The following EVC2 variants were observed in gnomAD, a reference collection of about 807,000 sequenced individuals.
EVC2 encodes the protein EvC ciliary complex subunit 2.
Under a neutral mutation model 149.3 loss-of-function variants are expected in EVC2, and 148 were observed. The ratio of observed to expected loss-of-function variants is 0.99; its 90% confidence interval spans 0.87 to 1.14. The LOEUF (loss-of-function observed/expected upper bound fraction) is 1.14. EVC2 is among the 50% of genes most tolerant of loss of function. The pLI is 0.00. For missense variants in EVC2, 1,854 were observed against 1,627.3 expected (o/e 1.14, Z -2.40); for synonymous variants, 776 against 649.9 (o/e 1.19, Z -2.95).
At chr4:5,598,246 A>T (rs1297465724) in intron 16 of EVC2, among the ~76,000 whole-genome samples, 22 of 152,090 alleles carry the variant, frequency 1.4e-4, no homozygotes, top group Non-Finnish European at 2.9e-4. Flanking sequence ...ACCAAAAAAG[A>T]GCCCGCATCG....
chr4:5,586,103 C>T (rs1001897349), intron 16 of EVC2, among the ~76,000 whole-genome samples: 1 of 152,160 alleles, frequency 6.6e-6, no homozygotes, highest in African/African-American at 2.4e-5. Flanking sequence ...CTCAAGTGAT[C>T]TACCCACCTC....
chr4:5,654,752 G>A (rs938940281), intron 9 of EVC2, among the ~76,000 whole-genome samples: 17 of 152,222 alleles, frequency 1.1e-4, no homozygotes, highest in African/African-American at 4.1e-4. Flanking sequence ...CTTCCAGGCC[G>A]CTGAAGGAGA....
chr4:5,683,866 G>A (rs1444501120), intron 6 of EVC2, among the ~76,000 whole-genome samples: 40 of 128,418 alleles, frequency 3.1e-4, no homozygotes, highest in South Asian at 6.0e-4. Context: ...CCAGGAACAC[G>A]CACAGCTGCC....
At chr4:5,580,763 T>C (rs527564964) in intron 17 of EVC2, among the ~76,000 whole-genome samples, 10 of 152,390 alleles carry the variant, frequency 6.6e-5, no homozygotes, top group Middle Eastern at 3.4e-3. Context: ...TACGGAGTTT[T>C]ATCTTGAATG....
downstream of EVC2, among the ~76,000 whole-genome samples, chr4:5,559,034 C>CCAAACAAA (rs112453868): frequency 2.0e-5 from 3 of 151,710 alleles, no homozygotes; most frequent in African/African-American, 4.9e-5. This position sits in a 1 kb window ranked among gnomAD's most constrained non-coding sequence, Gnocchi z 5.0. Context: ...CCCTGCAAAA[C>CCAAACAAA]CAAACAAACA....
intron 6 of EVC2, among the ~76,000 whole-genome samples, chr4:5,683,283 T>C (rs550204074): frequency 1.3e-5 from 2 of 152,330 alleles, no homozygotes; most frequent in South Asian, 2.1e-4. Flanking sequence ...AGCTGGAGCC[T>C]GAGGCTAAGT....
rs79357111 is a variant in EVC2 at position 5,687,456 on chromosome 4, A to G, written c.706+1701T>C. Reference sequence around the variant, plus strand: ...CAAGGTTCAGAGACATGCAGTGTGCACGTGCTAGAGCAGAAGTCCATGAAT... The same window carrying G: ...CAAGGTTCAGAGACATGCAGTGTGCGCGTGCTAGAGCAGAAGTCCATGAAT... On this transcript the variant is annotated intron_variant, in intron 5 of 21. Transcript: ENST00000344408. Among the ~76,000 whole-genome samples the G allele has an allele frequency of 4.1e-3, 618 of 152,190 alleles. 1 individual carries two copies. Among genetic ancestry groups the G allele is most frequent in the African/African-American group, 0.014 (598 of 41,524 alleles).
intron 17 of EVC2, among the ~76,000 whole-genome samples, chr4:5,582,224 G>A (rs1003355586): frequency 9.9e-5 from 15 of 152,204 alleles, no homozygotes; most frequent in African/African-American, 3.1e-4. Flanking sequence ...TGTATCCTGT[G>A]CCTAGAAATA....
At chr4:5,575,476 G>C (rs568422573) in intron 18 of EVC2, among the ~76,000 whole-genome samples, 8 of 152,336 alleles carry the variant, frequency 5.3e-5, no homozygotes, top group Non-Finnish European at 1.2e-4. Context: ...GCACTTTGAT[G>C]CATTTACACA....
At chr4:5,595,588 C>A (rs1713318258) in intron 16 of EVC2, among the ~76,000 whole-genome samples, 1 of 152,132 alleles carries the variant, frequency 6.6e-6, no homozygotes, top group Non-Finnish European at 1.5e-5. Flanking sequence ...TGGAAAGGAA[C>A]AACTGGTACC....
At chr4:5,684,443 T>A (rs1179427074) in intron 6 of EVC2, among the ~76,000 whole-genome samples, 1 of 152,200 alleles carries the variant, frequency 6.6e-6, no homozygotes. Flanking sequence ...AGTCATGCTA[T>A]GAGCCTCATC....
At chr4:5,558,657 T>C (rs1721884044), downstream of EVC2, among the ~76,000 whole-genome samples, 1 of 152,186 alleles carries the variant, frequency 6.6e-6, no homozygotes, top group Admixed American at 6.5e-5. Flanking sequence ...ATTTCAAATG[T>C]AAGAAACAAC....
Position 5,663,156 on chromosome 4 carries a change from C to G in EVC2, c.1096G>C (p.Asp366His). The change falls in exon 9 of 22, where the codon GAC becomes CAC. Residue 366 changes from aspartate (D) to histidine (H), a missense_variant. Physicochemically the swap from Asp to His is moderately conservative, Grantham distance 81. Transcript: ENST00000344408. Reference protein sequence around the residue: ...EDLSLNDQMIDILSSEDPGSM... With the variant: ...EDLSLNDQMIHILSSEDPGSM... ...CCAGGGTCCTCGGAAGACAGAATGTCTATCATTTGGTCGTTAAGGGAAAGG... is the reference window on the plus strand; with the variant it reads ...CCAGGGTCCTCGGAAGACAGAATGTGTATCATTTGGTCGTTAAGGGAAAGG... 6.2e-7 allele frequency: 1 copy of G among 1,614,170 alleles called. No individual in the cohort carries two copies. Among genetic ancestry groups the G allele is most frequent in the Non-Finnish European group, 8.5e-7 (1 of 1,180,034 alleles).
chr4:5,552,752 G>C (rs1042830074), intron 21 of EVC2, among the ~76,000 whole-genome samples: 1 of 152,208 alleles, frequency 6.6e-6, no homozygotes, highest in African/African-American at 2.4e-5. Flanking sequence ...GAGCTGAGGA[G>C]ACAGACAATG....
At chr4:5,608,799 C>T (rs1388805801) in intron 16 of EVC2, among the ~76,000 whole-genome samples, 1 of 152,048 alleles carries the variant, frequency 6.6e-6, no homozygotes, top group Non-Finnish European at 1.5e-5. Context: ...TCCCAAAGTG[C>T]TGGGATTACA....
chr4:5,678,918 C>A (rs1720162003), intron 7 of EVC2, among the ~76,000 whole-genome samples: 1 of 151,926 alleles, frequency 6.6e-6, no homozygotes, highest in Non-Finnish European at 1.5e-5. Flanking sequence ...GTAATCCCAG[C>A]TACTTGGGAG....
At chr4:5,655,703 G>A (rs1163428705) in intron 9 of EVC2, among the ~76,000 whole-genome samples, 1 of 145,280 alleles carries the variant, frequency 6.9e-6, no homozygotes, top group Non-Finnish European at 1.5e-5. Context: ...ACAGCCCCTG[G>A]CATGGACCAA....
chr4:5,605,646 A>G (rs1560158701), intron 16 of EVC2, among the ~76,000 whole-genome samples: 1 of 152,250 alleles, frequency 6.6e-6, no homozygotes, highest in East Asian at 1.9e-4. Context: ...AAGAAGGCAC[A>G]TTATCTGTCC....
chr4:5,537,205 C>T, the EVC2 span, among the ~76,000 whole-genome samples: 2 of 152,154 alleles, frequency 1.3e-5, no homozygotes, highest in Admixed American at 1.3e-4. Flanking sequence ...GGAACCCAGG[C>T]AGAGCCCAGG....
Sources: allele counts gnomAD v4.1 joint callset (sites outside exome capture counted in the v4.1 genomes callset), GRCh38; gene constraint gnomAD v4.1.1; non-coding constraint Gnocchi (gnomAD v3.1); transcripts MANE v1.5; gene names NCBI Gene and HGNC (gene_info 2026-07-23, HGNC 2026-07-21).